DGKB: variants seen among roughly 807,000 people sequenced by gnomAD.
The protein encoded by DGKB is diacylglycerol kinase beta, also known as 90 kDa diacylglycerol kinase.
Under a neutral mutation model 114.3 loss-of-function variants are expected in DGKB, and 67 were observed. The ratio of observed to expected loss-of-function variants is 0.59; its 90% CI spans 0.48 to 0.72. The LOEUF is 0.72. Among genes scored for constraint, DGKB ranks in the 30% least tolerant of loss-of-function variants. The pLI is 0.00. For missense variants in DGKB, 907 were observed against 975.2 expected (o/e 0.93, Z 0.93); for synonymous variants, 398 against 323.1 (o/e 1.23, Z -2.49).
intron 23 of DGKB, among the ~76,000 whole-genome samples, chr7:14,233,871 G>T (rs578252040): frequency 1.3e-5 from 2 of 151,926 alleles, no homozygotes; most frequent in African/African-American, 2.4e-5. Context: ...AGAGAAAGCC[G>T]GAAATAAAGC....
chr7:14,897,170 G>T (rs1362762668), intron 1 of DGKB, among the ~76,000 whole-genome samples: 1 of 151,870 alleles, frequency 6.6e-6, no homozygotes, highest in East Asian at 1.9e-4. Flanking sequence ...AAAAAAAATT[G>T]TATTTGGAAA....
intron 1 of DGKB, among the ~76,000 whole-genome samples, chr7:14,896,231 A>C (rs915931554): frequency 4.0e-5 from 6 of 151,758 alleles, no homozygotes; most frequent in Admixed American, 6.6e-5. Context: ...TCAGAAGATC[A>C]GAGGAGAAAG....
At chr7:14,937,069 C>T in intron 1 of DGKB, among the ~76,000 whole-genome samples, 1 of 105,976 alleles carries the variant, frequency 9.4e-6, no homozygotes, top group Non-Finnish European at 2.1e-5. Context: ...CACACACACA[C>T]ACACATCTTT....
chr7:14,584,745 T>A (rs1041768662), intron 17 of DGKB, among the ~76,000 whole-genome samples: 10 of 151,794 alleles, frequency 6.6e-5, no homozygotes, highest in African/African-American at 2.2e-4. Flanking sequence ...TGCAACCTCC[T>A]CCTCCTGGGT....
At chr7:14,295,100 C>T (rs936005321) in intron 23 of DGKB, among the ~76,000 whole-genome samples, 2 of 152,276 alleles carry the variant, frequency 1.3e-5, no homozygotes, top group Non-Finnish European at 2.9e-5. Context: ...CTCACCTCAT[C>T]ACTGTTTCCC....
intron 21 of DGKB, among the ~76,000 whole-genome samples, chr7:14,443,274 G>T (rs866886377): frequency 6.6e-6 from 1 of 152,052 alleles, no homozygotes; most frequent in Admixed American, 6.6e-5. Flanking sequence ...AAAGTTACAC[G>T]TTCGAATTTT....
chr7:14,867,886 G>A (rs565552989), intron 1 of DGKB, among the ~76,000 whole-genome samples: 18 of 152,190 alleles, frequency 1.2e-4, no homozygotes, highest in African/African-American at 4.1e-4. Flanking sequence ...AGCTGTCCCA[G>A]TCAAACATCA....
In DGKB at chr7:14,147,890, C is replaced by T. The variant is rs190577897; in HGVS notation, c.*1241G>A. 5.9e-5 allele frequency: 9 copies of T among 152,204 alleles called. No individual in the cohort carries two copies. The highest frequency in any genetic ancestry group is 1.3e-4 in the Non-Finnish European group (9 of 67,984). The allele number at this position is 152,204 out of a possible 1,614,324, so 9.4% of individuals were successfully genotyped here. ...TGAACACCTTCAACAGTGATCTAGG[C>T]TGTTGTTTCCAAATAAACATTTGAA... On this transcript the variant is annotated 3_prime_UTR_variant, in exon 26 of 26. Coordinates refer to ENST00000402815, the MANE Select transcript of DGKB (RefSeq NM_001350709.2).
intron 23 of DGKB, among the ~76,000 whole-genome samples, chr7:14,254,206 T>C (rs750874699): frequency 2.2e-4 from 33 of 152,316 alleles, no homozygotes; most frequent in Non-Finnish European, 4.6e-4. Context: ...GAAAGCATTG[T>C]ACCTGCCTTA....
chr7:14,384,092 T>A lies in DGKB; in HGVS notation c.1836-38701A>T, dbSNP rs62444599. On this transcript the variant is annotated intron_variant, in intron 21 of 25. Transcript: ENST00000402815. ...TAGTCATTCCTACCTTAATTTTAGGTGCATGATACCAAAATGTTAACATAT... is the reference window on the plus strand; with the variant it reads ...TAGTCATTCCTACCTTAATTTTAGGAGCATGATACCAAAATGTTAACATAT... 5.8e-3 allele frequency among the ~76,000 whole-genome samples: 890 copies of A among 152,328 alleles called. 5 individuals carry two copies. The highest frequency in any genetic ancestry group is 0.017 in the Middle Eastern group (5 of 294).
chr7:14,713,666 A>G (rs1054835909), intron 6 of DGKB, among the ~76,000 whole-genome samples: 1 of 151,620 alleles, frequency 6.6e-6, no homozygotes, highest in African/African-American at 2.4e-5. Context: ...AACTATAGGA[A>G]AGTTGACTAG....
At chr7:14,724,515 T>C (rs1196641871) in intron 5 of DGKB, among the ~76,000 whole-genome samples, 3 of 151,984 alleles carry the variant, frequency 2.0e-5, no homozygotes, top group Non-Finnish European at 4.4e-5. Flanking sequence ...TCTGAGAACA[T>C]ACTCTGGTTT....
At chr7:14,229,454 A>G (rs1257660258) in intron 23 of DGKB, among the ~76,000 whole-genome samples, 4 of 152,020 alleles carry the variant, frequency 2.6e-5, no homozygotes, top group African/African-American at 9.7e-5. Context: ...AAAGTACAGT[A>G]AGAATACGGT....
chr7:14,417,013 C>T (rs1178265497), intron 21 of DGKB, among the ~76,000 whole-genome samples: 1 of 152,030 alleles, frequency 6.6e-6, no homozygotes, highest in East Asian at 1.9e-4. Context: ...CTCACAGTTA[C>T]TGTACATGTT....
At chr7:14,855,987 G>GTGTATA (rs5882471) in intron 1 of DGKB, among the ~76,000 whole-genome samples, 4 of 143,726 alleles carry the variant, frequency 2.8e-5, no homozygotes, top group Non-Finnish European at 6.0e-5. Context: ...TAGATAATGT[G>GTGTATA]TATATATATA....
chr7:14,417,224 A>G (rs768441602), intron 21 of DGKB, among the ~76,000 whole-genome samples: 1 of 152,098 alleles, frequency 6.6e-6, no homozygotes, highest in Non-Finnish European at 1.5e-5. Context: ...ATTTTTAAAT[A>G]TATTATAATT....
chr7:14,536,617 C>T (rs748026940), intron 20 of DGKB, among the ~76,000 whole-genome samples: 7 of 152,170 alleles, frequency 4.6e-5, no homozygotes, highest in Non-Finnish European at 7.4e-5. Context: ...ATTCAACACT[C>T]TCTCATGCTA....
At chr7:14,628,687 T>C (rs1809102822) in intron 14 of DGKB, among the ~76,000 whole-genome samples, 2 of 152,154 alleles carry the variant, frequency 1.3e-5, no homozygotes, top group South Asian at 4.1e-4. Flanking sequence ...GAGCAACTGT[T>C]CCTGATGGCA....
chr7:14,960,322 A>T (rs1325292392), intron 1 of DGKB, among the ~76,000 whole-genome samples: 2 of 152,072 alleles, frequency 1.3e-5, no homozygotes, highest in African/African-American at 4.8e-5. Context: ...GCAAAATCTG[A>T]ATTTTTTATA....
Sources: gnomAD v4.1 joint callset for allele counts (sites outside exome capture counted in the v4.1 genomes callset) on GRCh38, gnomAD v4.1.1 for gene constraint, MANE v1.5 for transcripts, NCBI Gene and HGNC (gene_info 2026-07-23, HGNC 2026-07-21) for gene names.